Variants in CFAP36 observed in about 807,000 individuals in gnomAD.
CFAP36 encodes the protein cilia and flagella associated protein 36, also known as cilia- and flagella-associated protein 36.
In CFAP36, 37 loss-of-function variants were observed where a neutral mutation model predicts 50.5. The observed-to-expected ratio is 0.73, with a 90% CI of 0.56 to 0.96. CFAP36 has a LOEUF of 0.96. CFAP36 is among the 50% of genes least tolerant of loss of function. The pLI is 0.00. For synonymous variants in CFAP36, 138 were observed against 128.2 expected, an observed-to-expected ratio of 1.08 and a Z score of -0.52; for missense variants, 407 against 396.2, an observed-to-expected ratio of 1.03 and a Z score of -0.23.
chr2:55,534,838 C>T (rs1364740379), intron 5 of CFAP36, among the ~76,000 whole-genome samples: 1 of 152,066 alleles, frequency 6.6e-6, no homozygotes, highest in Non-Finnish European at 1.5e-5. Context: ...GAGGATGGGC[C>T]TGATGGGAAA....
chr2:55,541,608 G>A (rs1357594986), intron 7 of CFAP36, among the ~76,000 whole-genome samples: 1 of 152,016 alleles, frequency 6.6e-6, no homozygotes, highest in African/African-American at 2.4e-5. Flanking sequence ...TCTGTCAATT[G>A]TTTTGCATTT....
At chr2:55,543,334 G>C (rs2103672077) in intron 7 of CFAP36, among the ~76,000 whole-genome samples, 1 of 152,200 alleles carries the variant, frequency 6.6e-6, no homozygotes, top group East Asian at 1.9e-4. Flanking sequence ...CAAATGGCTG[G>C]AAAGTATTTA....
intron 4 of CFAP36, among the ~76,000 whole-genome samples, chr2:55,530,188 T>C (rs1299626383): frequency 6.6e-6 from 1 of 152,102 alleles, no homozygotes; most frequent in Non-Finnish European, 1.5e-5. Flanking sequence ...TGAGATCTGA[T>C]GGTTTTGGGA....
chr2:55,537,811 C>T (rs1051225920), intron 7 of CFAP36, among the ~76,000 whole-genome samples: 3 of 152,178 alleles, frequency 2.0e-5, no homozygotes, highest in African/African-American at 7.2e-5. Context: ...GCCTGGAACC[C>T]AGAGTAGAGA....
In CFAP36 at chr2:55,535,703, A is replaced by G. The variant is rs1684462880; in HGVS notation, c.486-9A>G. The G allele has an allele frequency of 1.3e-6, 2 of 1,523,006 alleles. No individual in the cohort carries two copies. Among genetic ancestry groups the G allele is most frequent in the Non-Finnish European group, 1.7e-6 (2 of 1,143,402 alleles). 94.3% of individuals were successfully genotyped at this position (1,523,006 alleles called of 1,614,324 possible). On this transcript the variant is annotated splice_polypyrimidine_tract_variant and intron_variant, in intron 5 of 9. Transcript: ENST00000349456. ...ATTTATCTTTTTATCTTATTTTTGT[A>G]TATTTCAGAAAATCAAAAGAGGAAT...
rs746659408 is a variant in CFAP36, at chr2:55,519,814, G to A, written c.13G>A (p.Glu5Lys). The change falls in exon 1 of 10, where the codon GAA (glutamate) becomes AAA (lysine). Residue 5 changes from glutamate to lysine, a missense_variant. Coordinates refer to ENST00000349456, the MANE Select transcript of CFAP36 (RefSeq NM_080667.7). The stretch of plus-strand genomic sequence containing the variant: ...CCTTTGGGGCGGGATGGCTGCGGAA[G>A]AAGAAGACGAGGTGGAGTGGGTAGT... Reference protein sequence around the residue: MAAEEEDEVEWVVES... With the variant: MAAEKEDEVEWVVES... 9 of 1,614,254 alleles carry A rather than the reference G, an allele frequency of 5.6e-6. No homozygotes were observed. The Admixed American group carries it at 1.5e-4, about 27-fold the overall frequency.
intron 6 of CFAP36, among the ~76,000 whole-genome samples, chr2:55,536,761 T>C (rs1039735779): frequency 6.6e-6 from 1 of 151,646 alleles, no homozygotes; most frequent in Middle Eastern, 3.2e-3. Context: ...TACTTTTTTT[T>C]TGAGACTGAG....
At position 55,545,028 on chromosome 2, in the gene CFAP36, A is replaced by G; in HGVS notation, c.*20A>G. 1 of 1,368,534 alleles carries G rather than the reference A, an allele frequency of 7.3e-7. No individual in the cohort carries two copies. The highest frequency in any genetic ancestry group is 1.0e-6 in the Non-Finnish European group (1 of 989,656). 84.8% of individuals were successfully genotyped at this position (1,368,534 alleles called of 1,614,324 possible). A position where few individuals can be genotyped will look rare whatever the true frequency, so the allele number is the denominator to read the frequency against. The stretch of plus-strand genomic sequence containing the variant: ...AAGTAATAATTAAGAACAATTTAAC[A>G]AAATGGAAGTTCAAATTGTCTTAAA... On this transcript the variant is annotated 3_prime_UTR_variant, in exon 10 of 10. Transcript: ENST00000349456.
At chr2:55,538,432 T>C (rs1412907576) in intron 7 of CFAP36, among the ~76,000 whole-genome samples, 1 of 151,726 alleles carries the variant, frequency 6.6e-6, no homozygotes, top group Admixed American at 6.6e-5. Flanking sequence ...GTAGCTGGGA[T>C]TACAGGCAGG....
chr2:55,544,397 T>A (rs766581168), intron 9 of CFAP36, 28 bp downstream of exon 9: 12 of 1,577,668 alleles, frequency 7.6e-6, no homozygotes, highest in Admixed American at 2.0e-5. Flanking sequence ...ATGTCAAGAT[T>A]TACAAATCTG....
chr2:55,536,855 G>A (rs148061603), intron 6 of CFAP36, among the ~76,000 whole-genome samples: 5,523 of 151,072 alleles, frequency 0.037, 142 homozygotes, highest in South Asian at 0.089. Flanking sequence ...AGCGATTCTC[G>A]TGCCTCAGCC....
At chr2:55,521,219 T>G (rs77224478) in intron 1 of CFAP36, among the ~76,000 whole-genome samples, 1 of 142,142 alleles carries the variant, frequency 7.0e-6, no homozygotes, top group Non-Finnish European at 1.5e-5. Flanking sequence ...TTTTTTTTTT[T>G]GGGAGACAGA....
chr2:55,537,439 TA>T, intron 6 of CFAP36, 43 bp from the exon 7 acceptor site: 1 of 1,311,392 alleles, frequency 7.6e-7, no homozygotes, highest in Non-Finnish European at 1.1e-6. Context: ...AAAATGAATC[TA>T]AATTGTGTGT....
chr2:55,529,812 A>G (rs757334561), intron 4 of CFAP36, among the ~76,000 whole-genome samples: 2 of 151,836 alleles, frequency 1.3e-5, no homozygotes, highest in African/African-American at 4.8e-5. Flanking sequence ...ACTCCGGGCT[A>G]ATTTTTTGTA....
chr2:55,525,831 T>A (rs1416743983), intron 3 of CFAP36, among the ~76,000 whole-genome samples: 1 of 152,148 alleles, frequency 6.6e-6, no homozygotes, highest in Non-Finnish European at 1.5e-5. Flanking sequence ...AGGGTTTCAC[T>A]ATGTTGGCCA....
chr2:55,523,283 C>T (rs1398389997), intron 2 of CFAP36, among the ~76,000 whole-genome samples: 1 of 150,888 alleles, frequency 6.6e-6, no homozygotes, highest in Non-Finnish European at 1.5e-5. Flanking sequence ...GGCATTGTGG[C>T]AGGCGCCTCT....
At chr2:55,542,343 T>TATC (rs1479824144) in intron 7 of CFAP36, among the ~76,000 whole-genome samples, 2 of 152,170 alleles carry the variant, frequency 1.3e-5, no homozygotes, top group Non-Finnish European at 2.9e-5. Flanking sequence ...CAAATGCGCA[T>TATC]ATCTGATATT....
At chr2:55,537,408 C>T in intron 6 of CFAP36, 75 bp from the exon 7 acceptor site, 1 of 961,134 alleles carries the variant, frequency 1.0e-6, no homozygotes, top group Non-Finnish European at 1.6e-6. Context: ...ATCTTTGGAT[C>T]CTTTAGGTAG....
chr2:55,534,049 T>A, intron 5 of CFAP36, 89 bp downstream of exon 5: 1 of 621,852 alleles, frequency 1.6e-6, no homozygotes, highest in South Asian at 2.8e-5. Context: ...TATGAACTAA[T>A]AAAATTGCTA....
Sources: allele counts gnomAD v4.1 joint callset (sites outside exome capture counted in the v4.1 genomes callset), GRCh38; gene constraint gnomAD v4.1.1; transcripts MANE v1.5; gene names NCBI Gene and HGNC (gene_info 2026-07-23, HGNC 2026-07-21).